Variants in BLACAT1 observed in about 807,000 individuals in gnomAD.
BLACAT1 encodes the protein bladder cancer associated transcript 1.
intron 1 of BLACAT1, among the ~76,000 whole-genome samples, chr1:205,452,343 A>G (rs1666508769): frequency 6.6e-6 from 1 of 152,158 alleles, no homozygotes; most frequent in Non-Finnish European, 1.5e-5. Flanking sequence ...AGCCAGGAGG[A>G]GAACTCCTTT....
chr1:205,450,195 C>T lies in BLACAT1; in HGVS notation c.-37+5722G>A, dbSNP rs571485482. Among the ~76,000 whole-genome samples, 2 of 152,162 alleles carry T rather than the reference C, an allele frequency of 1.3e-5. No homozygotes were observed. The highest frequency in any genetic ancestry group is 4.1e-4 in the South Asian group (2 of 4,820). On this transcript the variant is annotated intron_variant, in intron 1 of 1. Coordinates refer to ENST00000629624, the Ensembl canonical transcript of BLACAT1. The surrounding 1 kb of genome is among the most constrained non-coding windows in gnomAD (Gnocchi z 4.4). The stretch of plus-strand genomic sequence containing the variant: ...CCTGAGTAACAAAGGTCTCATTGAG[C>T]CTCTGGCTGTCTGGTCGGTGAAGCA...
Position 205,448,133 on chromosome 1 carries a change from AG to A in BLACAT1, c.-36-7072del, listed in dbSNP as rs1289465267. Among the ~76,000 whole-genome samples, 2 of 152,114 alleles carry A rather than the reference AG, an allele frequency of 1.3e-5. No homozygotes were observed. The highest frequency in any genetic ancestry group is 2.9e-5 in the Non-Finnish European group (2 of 68,020). ...GGCCCAGTCTCTTCATTCCAGAGTG[AG>A]GAAACAGGGCCAGAAGGGAAGTGAC... On this transcript the variant is annotated intron_variant, in intron 1 of 1. Coordinates refer to ENST00000629624, the Ensembl canonical transcript of BLACAT1. The surrounding 1 kb of genome is among the most constrained non-coding windows in gnomAD (Gnocchi z 4.7).
downstream of BLACAT1, among the ~76,000 whole-genome samples, chr1:205,439,531 C>T (rs1379335164): frequency 1.3e-5 from 2 of 152,310 alleles, no homozygotes; most frequent in Non-Finnish European, 1.5e-5. Flanking sequence ...GCGAACCAGC[C>T]GAGGAAGACT....
At chr1:205,442,738 T>G (rs1363247216) in intron 1 of BLACAT1, among the ~76,000 whole-genome samples, 1 of 152,132 alleles carries the variant, frequency 6.6e-6, no homozygotes, top group African/African-American at 2.4e-5. Context: ...TATATATAGT[T>G]AGCAGAGAGC....
chr1:205,446,876 C>CA (rs1318386527), intron 1 of BLACAT1, among the ~76,000 whole-genome samples: 1 of 152,190 alleles, frequency 6.6e-6, no homozygotes, highest in Non-Finnish European at 1.5e-5. Flanking sequence ...TCAGCCCCAG[C>CA]AAAAACCCAG....
chr1:205,452,503 C>A (rs1666511227), intron 1 of BLACAT1, among the ~76,000 whole-genome samples: 1 of 152,226 alleles, frequency 6.6e-6, no homozygotes, highest in African/African-American at 2.4e-5. Context: ...GATCATCAAA[C>A]ATAGGGTGCA....
At chr1:205,438,624 A>C (rs80288734), downstream of BLACAT1, among the ~76,000 whole-genome samples, 66 of 152,214 alleles carry the variant, frequency 4.3e-4, no homozygotes, top group Admixed American at 6.5e-4. Context: ...CCTGGCTAGA[A>C]GCTGCTACCT....
intron 1 of BLACAT1, among the ~76,000 whole-genome samples, chr1:205,446,075 G>A (rs897948122): frequency 4.6e-5 from 7 of 152,224 alleles, no homozygotes; most frequent in South Asian, 4.1e-4. Flanking sequence ...AGTTTCAGCC[G>A]TCTGCAGGCA....
In BLACAT1 at chr1:205,441,645, C is replaced by T. The variant is rs1666295528; in HGVS notation, c.-36-583G>A. ...AAAGCCTATAGGGAGCAATTATACCCTTCCTTTGACTGCTCAGGGCAATGC... is the reference window on the plus strand; with the variant it reads ...AAAGCCTATAGGGAGCAATTATACCTTTCCTTTGACTGCTCAGGGCAATGC... On this transcript the variant is annotated intron_variant, in intron 1 of 1. Transcript: ENST00000629624. This position sits in a 1 kb window ranked among gnomAD's most constrained non-coding sequence, Gnocchi z 4.3. Among the ~76,000 whole-genome samples the T allele has an allele frequency of 6.6e-6, 1 of 152,238 alleles. No individual in the cohort carries two copies.
At position 205,449,220 on chromosome 1, in the gene BLACAT1, C is replaced by T. The variant is rs560128498; in HGVS notation, c.-37+6697G>A. Among the ~76,000 whole-genome samples the T allele has an allele frequency of 7.9e-5, 12 of 152,236 alleles. No homozygotes were observed. The South Asian group carries it at 1.7e-3, about 21-fold the overall frequency. ...ACTGGATTGAAGAGCTGAGTTAAGG[C>T]GAACCAAGGTCTCAGGGCCCTGGAA... On this transcript the variant is annotated intron_variant, in intron 1 of 1. Transcript: ENST00000629624.
At chr1:205,447,048 C>T (rs2102473994) in intron 1 of BLACAT1, among the ~76,000 whole-genome samples, 1 of 152,360 alleles carries the variant, frequency 6.6e-6, no homozygotes, top group Middle Eastern at 3.4e-3. Flanking sequence ...GTGAGAACAA[C>T]CTCCCGTCTG....
At position 205,441,906 on chromosome 1, in the gene BLACAT1, C is replaced by T. The variant is rs114304335; in HGVS notation, c.-36-844G>A. On this transcript the variant is annotated intron_variant, in intron 1 of 1. Transcript: ENST00000629624. This position sits in a 1 kb window ranked among gnomAD's most constrained non-coding sequence, Gnocchi z 4.3. ...CCGGCCCTCAGCAGGAGCCAGGGGC[C>T]GCTCTGGTATCTGTTGCAGTCTGGC... 0.014 allele frequency among the ~76,000 whole-genome samples: 2,112 copies of T among 152,304 alleles called. 49 individuals carry two copies. The highest frequency in any genetic ancestry group is 0.048 in the African/African-American group (1,989 of 41,566).
chr1:205,455,499 G>A (rs1342800455), intron 1 of BLACAT1, among the ~76,000 whole-genome samples: 1 of 152,092 alleles, frequency 6.6e-6, no homozygotes, highest in Non-Finnish European at 1.5e-5. Flanking sequence ...CCCCTTTACA[G>A]CCCCTTCCTC....
chr1:205,450,238 C>T lies in BLACAT1; in HGVS notation c.-37+5679G>A, dbSNP rs906538602. On this transcript the variant is annotated intron_variant, in intron 1 of 1. Transcript: ENST00000629624. This position sits in a 1 kb window ranked among gnomAD's most constrained non-coding sequence, Gnocchi z 4.4. ...GTGAAGCACAAACCTCTTGTATCTACTGGCTTTTGATCTCACTCCCTCTGA... is the reference window on the plus strand; with the variant it reads ...GTGAAGCACAAACCTCTTGTATCTATTGGCTTTTGATCTCACTCCCTCTGA... Among the ~76,000 whole-genome samples, 12 of 150,256 alleles carry T rather than the reference C, an allele frequency of 8.0e-5. No individual in the cohort carries two copies. Among genetic ancestry groups the T allele is most frequent in the Middle Eastern group, 3.2e-3 (1 of 316 alleles).
At chr1:205,444,902 C>A (rs1666357251) in intron 1 of BLACAT1, among the ~76,000 whole-genome samples, 1 of 151,576 alleles carries the variant, frequency 6.6e-6, no homozygotes, top group Non-Finnish European at 1.5e-5. Context: ...CACCCCCCAC[C>A]CCAGGTAAAG....
Position 205,450,866 on chromosome 1 carries a change from G to A in BLACAT1, c.-37+5051C>T, listed in dbSNP as rs1666487078. ...TGAAATATGGAGAAAGAGGAAGCAG[G>A]TCAAGCCTCACCTCCTTTCCCGAGG... On this transcript the variant is annotated intron_variant, in intron 1 of 1. Coordinates refer to ENST00000629624, the Ensembl canonical transcript of BLACAT1. This position sits in a 1 kb window ranked among gnomAD's most constrained non-coding sequence, Gnocchi z 4.4. Among the ~76,000 whole-genome samples the A allele has an allele frequency of 6.6e-6, 1 of 152,202 alleles. No homozygotes were observed. Among genetic ancestry groups the A allele is most frequent in the Admixed American group, 6.5e-5 (1 of 15,290 alleles).
rs943245696 is a variant in BLACAT1 at position 205,450,121 on chromosome 1, C to T, written c.-37+5796G>A. ...AGGACGGTGGGGGTGGGGGTGGGGG[C>T]GGGCTGGGCAGGCGGGGCAGCCAGG... is the stretch of plus-strand genomic sequence containing the variant. On this transcript the variant is annotated intron_variant, in intron 1 of 1. Coordinates refer to ENST00000629624, the Ensembl canonical transcript of BLACAT1. The surrounding 1 kb of genome is among the most constrained non-coding windows in gnomAD (Gnocchi z 4.4). 5.3e-5 allele frequency among the ~76,000 whole-genome samples: 8 copies of T among 152,124 alleles called. No individual in the cohort carries two copies. The highest frequency in any genetic ancestry group is 1.9e-4 in the East Asian group (1 of 5,150).
chr1:205,446,395 T>C (rs111781559), intron 1 of BLACAT1, among the ~76,000 whole-genome samples: 1 of 152,190 alleles, frequency 6.6e-6, no homozygotes, highest in African/African-American at 2.4e-5. Context: ...CCATCTTTTC[T>C]CCCAGTTCGT....
chr1:205,447,981 C>T (rs570129746), intron 1 of BLACAT1, among the ~76,000 whole-genome samples: 34 of 152,326 alleles, frequency 2.2e-4, no homozygotes, highest in South Asian at 6.2e-4. Context: ...TTGACTTCAG[C>T]CCCCAAATCT....
Sources: gnomAD v4.1 joint callset for allele counts (sites outside exome capture counted in the v4.1 genomes callset) on GRCh38, gnomAD v4.1.1 for gene constraint, Gnocchi (gnomAD v3.1) non-coding constraint, MANE v1.5 for transcripts, NCBI Gene and HGNC (gene_info 2026-07-23, HGNC 2026-07-21) for gene names.